Variants in CDH18 observed in about 807,000 individuals in gnomAD.
CDH18 encodes the protein cadherin 18.
Under a neutral mutation model 67.9 loss-of-function variants are expected in CDH18, and 31 were observed. The ratio of observed to expected loss-of-function variants is 0.46; its 90% CI spans 0.34 to 0.62. CDH18 has a LOEUF of 0.62. Among genes scored for constraint, CDH18 ranks in the 20% least tolerant of loss-of-function variants. CDH18 has a pLI of 0.01. For missense variants in CDH18, 890 were observed against 975.5 expected (o/e 0.91, Z 1.17); for synonymous variants, 362 against 347.2 (o/e 1.04, Z -0.48).
chr5:20,273,624 G>A (rs1745595365), intron 1 of CDH18, among the ~76,000 whole-genome samples: 1 of 151,778 alleles, frequency 6.6e-6, no homozygotes, highest in Admixed American at 6.6e-5. Context: ...ATTAAATCTT[G>A]ACAAAAAATT....
At chr5:19,787,775 C>A (rs1250290079) in intron 3 of CDH18, among the ~76,000 whole-genome samples, 1 of 148,920 alleles carries the variant, frequency 6.7e-6, no homozygotes, top group Non-Finnish European at 1.5e-5. Context: ...AAGACGCCAG[C>A]ACCAAGTGTC....
At chr5:19,486,149 C>A (rs1008506529) in intron 11 of CDH18, among the ~76,000 whole-genome samples, 1 of 151,790 alleles carries the variant, frequency 6.6e-6, no homozygotes, top group Non-Finnish European at 1.5e-5. Context: ...CTTAGCACAG[C>A]AGAATAATGA....
rs766407219 is a variant in CDH18, at chr5:19,503,050, G to A, written c.1572C>T (p.Asn524=). The A allele has an allele frequency of 1.2e-6, 2 of 1,612,990 alleles. No homozygotes were observed. The highest frequency in any genetic ancestry group is 1.7e-6 in the Non-Finnish European group (2 of 1,179,168). ...CAGGCAGGCGTTCATCAAGAAAGAAGTTAAACCTTGGTCCATTGGCAAAAT... is the reference window on the plus strand; with the variant it reads ...CAGGCAGGCGTTCATCAAGAAAGAAATTAAACCTTGGTCCATTGGCAAAAT... The part of the protein sequence containing the change: ...KDDFANGPRF[N]FFLDERLPVN... The change falls in exon 11 of 13, where the codon AAC becomes AAT. Residue 524 remains asparagine, a synonymous_variant. Coordinates refer to ENST00000382275, the MANE Select transcript of CDH18 (RefSeq NM_004934.5).
At chr5:19,970,122 G>A (rs898365690) in intron 2 of CDH18, among the ~76,000 whole-genome samples, 3 of 151,600 alleles carry the variant, frequency 2.0e-5, no homozygotes, top group African/African-American at 7.3e-5. Context: ...GGTCAGTAAA[G>A]AACCATTGAG....
intron 2 of CDH18, among the ~76,000 whole-genome samples, chr5:19,968,411 C>G (rs1161337294): frequency 6.6e-6 from 1 of 152,100 alleles, no homozygotes; most frequent in Non-Finnish European, 1.5e-5. Flanking sequence ...AAGAAAAAAG[C>G]TGGAGGCATC....
At chr5:19,919,227 C>G (rs1288790603) in intron 2 of CDH18, among the ~76,000 whole-genome samples, 1 of 151,032 alleles carries the variant, frequency 6.6e-6, no homozygotes, top group East Asian at 1.9e-4. Context: ...TGCCCTGTGT[C>G]CCTCTTCATC....
intron 1 of CDH18, among the ~76,000 whole-genome samples, chr5:20,430,779 G>C (rs1440728973): frequency 1.3e-5 from 2 of 152,144 alleles, no homozygotes; most frequent in Non-Finnish European, 2.9e-5. Flanking sequence ...ACTTCACTAA[G>C]ATGGCCATGT....
rs139180103 is a variant in CDH18 at position 19,867,327 on chromosome 5, G to C, written c.-256-28085C>G. 4.0e-4 allele frequency among the ~76,000 whole-genome samples: 61 copies of C among 152,024 alleles called. 2 individuals are homozygous for C. The highest frequency in any genetic ancestry group is 1.4e-3 in the African/African-American group (56 of 41,472). ...ATCTGACCCTGGCAGGAATATAACT[G>C]ACATAAAGTTTATATTGAATCAAAT... On this transcript the variant is annotated intron_variant, in intron 2 of 12. Coordinates refer to ENST00000382275, the MANE Select transcript of CDH18 (RefSeq NM_004934.5).
chr5:20,026,838 T>A (rs1738944740), intron 2 of CDH18, among the ~76,000 whole-genome samples: 1 of 152,056 alleles, frequency 6.6e-6, no homozygotes, highest in Admixed American at 6.6e-5. Flanking sequence ...GCACCTGTAG[T>A]CCCAGCTACT....
chr5:19,960,690 C>T (rs369870673), intron 2 of CDH18, among the ~76,000 whole-genome samples: 51 of 128,804 alleles, frequency 4.0e-4, no homozygotes, highest in African/African-American at 1.8e-3. Flanking sequence ...TATACATATA[C>T]ACGTGTATAT....
intron 2 of CDH18, among the ~76,000 whole-genome samples, chr5:20,210,145 T>C (rs1348659027): frequency 2.0e-5 from 3 of 151,872 alleles, no homozygotes; most frequent in Admixed American, 6.6e-5. Flanking sequence ...TTTAAAATTT[T>C]AATTATATTT....
At chr5:20,458,569 G>T (rs1454027774) in intron 1 of CDH18, among the ~76,000 whole-genome samples, 1 of 152,128 alleles carries the variant, frequency 6.6e-6, no homozygotes, top group Admixed American at 6.6e-5. Flanking sequence ...AGTGAGCTGA[G>T]GTTGTAGCAC....
intron 3 of CDH18, among the ~76,000 whole-genome samples, chr5:19,759,816 G>T (rs983620499): frequency 2.0e-5 from 3 of 152,126 alleles, no homozygotes; most frequent in Non-Finnish European, 4.4e-5. Context: ...CTACATTAGG[G>T]GTACCGTTCT....
chr5:20,294,549 G>A (rs1471061737), intron 1 of CDH18, among the ~76,000 whole-genome samples: 1 of 152,166 alleles, frequency 6.6e-6, no homozygotes, highest in Middle Eastern at 3.2e-3. Flanking sequence ...ACATATCGCA[G>A]TAATGAGGAA....
chr5:20,216,451 T>C (rs1364058380), intron 2 of CDH18, among the ~76,000 whole-genome samples: 1 of 151,978 alleles, frequency 6.6e-6, no homozygotes, highest in African/African-American at 2.4e-5. Context: ...GTCTAAAAAT[T>C]AATCTCCATA....
chr5:20,540,448 C>G (rs1756991945), intron 1 of CDH18, among the ~76,000 whole-genome samples: 1 of 151,998 alleles, frequency 6.6e-6, no homozygotes, highest in Non-Finnish European at 1.5e-5. Flanking sequence ...TATGATGCAC[C>G]AGTCACAGTT....
intron 12 of CDH18, among the ~76,000 whole-genome samples, chr5:19,481,308 C>T (rs1397692466): frequency 6.6e-6 from 1 of 152,144 alleles, no homozygotes; most frequent in Non-Finnish European, 1.5e-5. Flanking sequence ...CATTCAGCAA[C>T]ATATAAGAAG....
chr5:20,348,269 C>T (rs1053753452), intron 1 of CDH18, among the ~76,000 whole-genome samples: 2 of 152,102 alleles, frequency 1.3e-5, no homozygotes, highest in African/African-American at 4.8e-5. Flanking sequence ...AACAAAGAGA[C>T]ATCCATTAAT....
chr5:19,591,982 T>C (rs1745217197), intron 6 of CDH18, among the ~76,000 whole-genome samples: 1 of 152,104 alleles, frequency 6.6e-6, no homozygotes, highest in Non-Finnish European at 1.5e-5. Flanking sequence ...AAGACAGTGA[T>C]ATTTTATATA....
Sources: allele counts gnomAD v4.1 joint callset (sites outside exome capture counted in the v4.1 genomes callset), GRCh38; gene constraint gnomAD v4.1.1; transcripts MANE v1.5; gene names NCBI Gene and HGNC (gene_info 2026-07-23, HGNC 2026-07-21).